LARP4: variants seen among roughly 807,000 people sequenced by gnomAD.
The protein encoded by LARP4 is la-related protein 4.
LARP4 carries 29 observed loss-of-function variants against 92.9 expected under a neutral mutation model. That is an observed-to-expected ratio of 0.31 (90% CI 0.23 to 0.43). LARP4 has a LOEUF of 0.43. LARP4 is among the 20% of genes least tolerant of loss of function. The pLI is 1.00. For missense variants in LARP4, 732 were observed against 860.0 expected (o/e 0.85, Z 1.86); for synonymous variants, 279 against 284.1 (o/e 0.98, Z 0.18).
At chr12:50,421,023 C>T (rs1947680885) in intron 1 of LARP4, 1 of 141,772 alleles carries the variant, frequency 7.1e-6, no homozygotes, top group African/African-American at 2.6e-5. Flanking sequence ...TATCTCGGCT[C>T]ACTGCAACCT....
rs759770835 is a variant in LARP4 at position 50,430,519 on chromosome 12, C to T, written c.347C>T (p.Thr116Ile). Reference sequence around the variant, plus strand: ...GGAGAAAGCAATTCAGCAGTTTCTACAGAAGACCTAAAAGAATGTCTGAAG... The same window carrying T: ...GGAGAAAGCAATTCAGCAGTTTCTATAGAAGACCTAAAAGAATGTCTGAAG... Reference protein sequence around the residue: ...VSGESNSAVSTEDLKECLKKQ... With the variant: ...VSGESNSAVSIEDLKECLKKQ... Residue 116 changes from threonine to isoleucine, a missense_variant, in exon 4 of 16, where the codon ACA becomes ATA. Coordinates refer to ENST00000398473, the MANE Select transcript of LARP4 (RefSeq NM_052879.5). 2 of 1,607,058 alleles carry T rather than the reference C, an allele frequency of 1.2e-6. No individual in the cohort carries two copies. Among genetic ancestry groups the T allele is most frequent in the Non-Finnish European group, 1.7e-6 (2 of 1,175,110 alleles).
chr12:50,458,108 AT>A (rs550782259), intron 10 of LARP4, among the ~76,000 whole-genome samples: 35 of 142,092 alleles, frequency 2.5e-4, no homozygotes, highest in Admixed American at 5.6e-4. Flanking sequence ...AAGTTTTTGT[AT>A]TTTTTTTTTT....
At chr12:50,452,671 T>G (rs1953438322) in intron 8 of LARP4, among the ~76,000 whole-genome samples, 1 of 152,208 alleles carries the variant, frequency 6.6e-6, no homozygotes, top group African/African-American at 2.4e-5. Context: ...ATTTCTTTGA[T>G]GATTAGTGAT....
At chr12:50,449,613 C>T (rs1214454712) in intron 8 of LARP4, among the ~76,000 whole-genome samples, 6 of 152,120 alleles carry the variant, frequency 3.9e-5, no homozygotes, top group African/African-American at 1.4e-4. Context: ...GATACAAAAG[C>T]TAGCTGCTAT....
At chr12:50,457,078 A>AT (rs1448886304) in intron 10 of LARP4, among the ~76,000 whole-genome samples, 1 of 151,198 alleles carries the variant, frequency 6.6e-6, no homozygotes, top group Middle Eastern at 3.2e-3. Context: ...TAATTGTTGT[A>AT]TTTTTAGTAG....
In LARP4 at chr12:50,476,022, C is replaced by T; in HGVS notation, c.*158C>T. 1.8e-6 allele frequency: 1 copy of T among 552,278 alleles called. No homozygotes were observed. The highest frequency in any genetic ancestry group is 3.2e-5 in the Admixed American group (1 of 31,334). The allele number at this position is 552,278 out of a possible 1,614,324, so 34.2% of individuals were successfully genotyped here. A position where few individuals can be genotyped will look rare whatever the true frequency, so the allele number is the denominator to read the frequency against. ...TTTGGAGTTGTGAGTGATAGGATCC[C>T]AAAATTCATCTCTAATGTGGTTTTT... On this transcript the variant is annotated 3_prime_UTR_variant, in exon 16 of 16. Transcript: ENST00000398473.
rs114774984 is a variant in LARP4 at position 50,404,939 on chromosome 12, C to T, written c.18+3911C>T. On this transcript the variant is annotated intron_variant, in intron 1 of 15. Transcript: ENST00000398473. ...TCTTGACCTCATGATTCGCCCACCTCGGGCTCCCAAAGTGTTGGAATTACA... is the reference window on the plus strand; with the variant it reads ...TCTTGACCTCATGATTCGCCCACCTTGGGCTCCCAAAGTGTTGGAATTACA... 9.8e-3 allele frequency among the ~76,000 whole-genome samples: 1,484 copies of T among 151,928 alleles called. 28 individuals carry two copies. The highest frequency in any genetic ancestry group is 0.034 in the African/African-American group (1,419 of 41,422).
At chr12:50,426,879 C>T (rs1321457976) in intron 1 of LARP4, among the ~76,000 whole-genome samples, 1 of 151,640 alleles carries the variant, frequency 6.6e-6, no homozygotes, top group Non-Finnish European at 1.5e-5. Context: ...GCCGGGACTA[C>T]AGGCGCCCAC....
At chr12:50,471,626 C>T (rs73305168) in intron 13 of LARP4, among the ~76,000 whole-genome samples, 14,980 of 152,102 alleles carry the variant, frequency 0.098, 1,215 homozygotes, top group African/African-American at 0.22. Context: ...AGGGTTCAAG[C>T]GATTCTTGTG....
At chr12:50,426,710 TGTGTGTGTGTGTGTGTGTGTGG>T (rs1948793881) in intron 1 of LARP4, among the ~76,000 whole-genome samples, 1 of 140,516 alleles carries the variant, frequency 7.1e-6, no homozygotes, top group East Asian at 2.1e-4. Flanking sequence ...TGTGTGTGTG[TGTGTGTGTGTGTGTGTGTGTGG>T]TTTTTTTTTT....
At chr12:50,424,043 G>A (rs372617448) in intron 1 of LARP4, among the ~76,000 whole-genome samples, 68 of 152,324 alleles carry the variant, frequency 4.5e-4, no homozygotes, top group South Asian at 2.1e-3. Flanking sequence ...ACGGGCATGA[G>A]CCACTGCACC....
rs144703688 is a variant in LARP4 at position 50,437,721 on chromosome 12, C to A, written c.536-14C>A. The A allele has an allele frequency of 8.3e-5, 124 of 1,499,498 alleles. No individual in the cohort carries two copies. The African/African-American group carries it at 1.6e-3, about 19-fold the overall frequency. The allele number at this position is 1,499,498 out of a possible 1,614,324, so 92.9% of individuals were successfully genotyped here. A position where few individuals can be genotyped will look rare whatever the true frequency, so the allele number is the denominator to read the frequency against. On this transcript the variant is annotated splice_polypyrimidine_tract_variant and intron_variant, in intron 5 of 15. Transcript: ENST00000398473. ...TTGTCACGTTTGAGTGATACCCTTT[C>A]TTTTAAATTTCAGCTTCTCCCATGG...
intron 1 of LARP4, among the ~76,000 whole-genome samples, chr12:50,403,079 G>C (rs774139441): frequency 2.6e-5 from 4 of 152,210 alleles, no homozygotes; most frequent in Admixed American, 1.3e-4. Flanking sequence ...GAGAACCAAA[G>C]CTCAGAAGTT....
intron 1 of LARP4, among the ~76,000 whole-genome samples, chr12:50,416,663 C>G (rs750927613): frequency 6.6e-6 from 1 of 151,872 alleles, no homozygotes; most frequent in African/African-American, 2.4e-5. Context: ...CATCCTAGGC[C>G]GCAGAGTGAG....
chr12:50,475,757 G>A lies in LARP4; in HGVS notation c.2068G>A (p.Gly690Arg). 6.2e-7 allele frequency: 1 copy of A among 1,614,122 alleles called. No individual in the cohort carries two copies. The highest frequency in any genetic ancestry group is 8.5e-7 in the Non-Finnish European group (1 of 1,180,028). The change falls in exon 16 of 16, where the codon GGA becomes AGA. Residue 690 changes from glycine (G) to arginine (R), a missense_variant. Around this residue, in one of 7 missense-constraint regions of LARP4, gnomAD observed 115 missense variants for 129.1 expected, o/e 0.89. Transcript: ENST00000398473. ...CAATATAATCCCCAGGGGAGCAGCA[G>A]GAAAAATCAGGGAACAGAGACGCCA... is the stretch of plus-strand genomic sequence containing the variant. ...RGNIIPRGAAGKIREQRRQFS... is the reference protein window; with the variant it reads ...RGNIIPRGAARKIREQRRQFS...
chr12:50,433,730 C>G (rs1346747553), intron 4 of LARP4, among the ~76,000 whole-genome samples: 3 of 151,562 alleles, frequency 2.0e-5, no homozygotes, highest in Non-Finnish European at 4.4e-5. Flanking sequence ...ACCTCTACCT[C>G]CCGGGTTCAA....
intron 1 of LARP4, among the ~76,000 whole-genome samples, chr12:50,424,685 A>G (rs1221926994): frequency 2.0e-5 from 3 of 152,098 alleles, no homozygotes; most frequent in African/African-American, 7.2e-5. Flanking sequence ...TAATAAAAAT[A>G]AAAATAAGAA....
intron 8 of LARP4, among the ~76,000 whole-genome samples, chr12:50,452,976 C>T (rs1953514797): frequency 6.6e-6 from 1 of 151,898 alleles, no homozygotes; most frequent in African/African-American, 2.4e-5. Flanking sequence ...GTAGTGCGAT[C>T]ATAGCTCACA....
intron 4 of LARP4, among the ~76,000 whole-genome samples, 153 bp from the exon 5 acceptor site, chr12:50,435,332 TAAC>T (rs1950251485): frequency 6.6e-6 from 1 of 152,242 alleles, no homozygotes; most frequent in African/African-American, 2.4e-5. Flanking sequence ...ATTGAACTTT[TAAC>T]AACTTTTTAG....
Sources: allele counts gnomAD v4.1 joint callset (sites outside exome capture counted in the v4.1 genomes callset), GRCh38; gene constraint gnomAD v4.1.1; regional missense constraint gnomAD v4.1.1; transcripts MANE v1.5; gene names NCBI Gene and HGNC (gene_info 2026-07-23, HGNC 2026-07-21).